The following ATE1 variants were observed in gnomAD, a reference collection of about 807,000 sequenced individuals.
ATE1 encodes arginyltransferase 1, also known as arginyl-tRNA--protein transferase 1.
A neutral mutation model predicts 70.5 loss-of-function variants in ATE1; 36 were observed. That is an observed-to-expected ratio of 0.51 (90% CI 0.39 to 0.67). The LOEUF is 0.67. ATE1 is among the 30% of genes least tolerant of loss of function. ATE1 has a pLI of 0.00. For missense variants in ATE1, 593 were observed against 629.5 expected (o/e 0.94, Z 0.62); for synonymous variants, 232 against 219.3 (o/e 1.06, Z -0.51).
At chr10:121,776,561 C>A (rs1424140035) in intron 11 of ATE1, among the ~76,000 whole-genome samples, 1 of 152,226 alleles carries the variant, frequency 6.6e-6, no homozygotes, top group Non-Finnish European at 1.5e-5. Context: ...TTCTCCCAGG[C>A]TAGTGTTTGT....
At chr10:121,798,843 G>C (rs571921034) in intron 10 of ATE1, among the ~76,000 whole-genome samples, 1 of 148,990 alleles carries the variant, frequency 6.7e-6, no homozygotes, top group South Asian at 2.2e-4. Context: ...AGTTTGTAGT[G>C]AGCCAAGATC....
At position 121,803,785 on chromosome 10, in the gene ATE1, C is replaced by G. The variant is rs374980201; in HGVS notation, c.1258-13496G>C. Among the ~76,000 whole-genome samples, 383 of 152,258 alleles carry G rather than the reference C, an allele frequency of 2.5e-3. 3 individuals carry two copies. Among genetic ancestry groups the G allele is most frequent in the African/African-American group, 8.6e-3 (358 of 41,562 alleles). On this transcript the variant is annotated intron_variant, in intron 10 of 11. Coordinates refer to ENST00000224652, the MANE Select transcript of ATE1 (RefSeq NM_001001976.3). ...GCCTGAAAGCCTTAATCATAAAGGT[C>G]TGTTTAATTACACCCCTGAGGGGAA...
At chr10:121,864,181 C>T (rs1198178352) in intron 8 of ATE1, among the ~76,000 whole-genome samples, 1 of 152,174 alleles carries the variant, frequency 6.6e-6, no homozygotes, top group South Asian at 2.1e-4. Flanking sequence ...ACCTTTTTGG[C>T]ACCAGGGACT....
Position 121,742,279 on chromosome 10 carries a change from T to G in ATE1, c.*1401A>C, listed in dbSNP as rs968968173. The G allele has an allele frequency of 6.6e-6, 1 of 152,212 alleles. No individual in the cohort carries two copies. The highest frequency in any genetic ancestry group is 2.4e-5 in the African/African-American group (1 of 41,454). 9.4% of individuals were successfully genotyped at this position (152,212 alleles called of 1,614,324 possible). A position where few individuals can be genotyped will look rare whatever the true frequency, so the allele number is the denominator to read the frequency against. ...TTTTTATTCTAGTTAGCTGAGGATA[T>G]TTTCAAATTTTTGTCAAAATTCAGT... On this transcript the variant is annotated 3_prime_UTR_variant, in exon 12 of 12. Coordinates refer to ENST00000224652, the MANE Select transcript of ATE1 (RefSeq NM_001001976.3).
chr10:121,795,955 C>A (rs1946643424), intron 10 of ATE1, among the ~76,000 whole-genome samples: 1 of 152,196 alleles, frequency 6.6e-6, no homozygotes, highest in Non-Finnish European at 1.5e-5. Flanking sequence ...TAAGTACATT[C>A]ATTCAGATTG....
intron 11 of ATE1, among the ~76,000 whole-genome samples, chr10:121,749,032 A>G (rs948209182): frequency 7.2e-5 from 11 of 152,204 alleles, no homozygotes; most frequent in African/African-American, 2.2e-4. Flanking sequence ...AATTTTGTCA[A>G]CTGTCCCAAA....
intron 7 of ATE1, among the ~76,000 whole-genome samples, chr10:121,871,412 T>C (rs1299943872): frequency 6.6e-6 from 1 of 152,116 alleles, no homozygotes; most frequent in Non-Finnish European, 1.5e-5. Context: ...TGAGCCAAGA[T>C]TGCGCCACTG....
At chr10:121,911,968 G>C (rs554561402) in intron 4 of ATE1, among the ~76,000 whole-genome samples, 10 of 152,056 alleles carry the variant, frequency 6.6e-5, no homozygotes, top group African/African-American at 1.9e-4. Flanking sequence ...GGATGGTCTC[G>C]ATCTCCTGAC....
At chr10:121,910,391 A>T (rs897699013) in intron 5 of ATE1, among the ~76,000 whole-genome samples, 1 of 152,204 alleles carries the variant, frequency 6.6e-6, no homozygotes, top group African/African-American at 2.4e-5. Flanking sequence ...ATTAAGCCTA[A>T]TTCTTTTATA....
intron 7 of ATE1, among the ~76,000 whole-genome samples, chr10:121,899,359 A>G (rs576468914): frequency 6.6e-6 from 1 of 152,336 alleles, no homozygotes. Flanking sequence ...TTACAAAATT[A>G]TTAGCATATG....
intron 8 of ATE1, among the ~76,000 whole-genome samples, chr10:121,841,977 C>A (rs1279260616): frequency 1.3e-5 from 2 of 152,004 alleles, no homozygotes; most frequent in African/African-American, 2.4e-5. Flanking sequence ...GAAAGAAATG[C>A]ATGAGAAAAA....
chr10:121,741,710 T>C lies in ATE1; in HGVS notation c.*1970A>G, dbSNP rs1004523429. The C allele has an allele frequency of 2.0e-5, 3 of 152,218 alleles. No individual in the cohort carries two copies. Among genetic ancestry groups the C allele is most frequent in the Non-Finnish European group, 4.4e-5 (3 of 68,032 alleles). 9.4% of individuals were successfully genotyped at this position (152,218 alleles called of 1,614,324 possible). On this transcript the variant is annotated 3_prime_UTR_variant, in exon 12 of 12. Coordinates refer to ENST00000224652, the MANE Select transcript of ATE1 (RefSeq NM_001001976.3). ...TTTTAATAATGCAGAGATTACTTAC[T>C]ACACTTTCTGAAGCCTTATTTTGAA...
intron 10 of ATE1, among the ~76,000 whole-genome samples, chr10:121,833,625 G>T (rs1193901920): frequency 6.6e-6 from 1 of 151,956 alleles, no homozygotes; most frequent in Admixed American, 6.6e-5. Context: ...AAGCTTGGGG[G>T]AGGGGCAAAG....
chr10:121,899,723 TA>T lies in ATE1; in HGVS notation c.942+142del, dbSNP rs549255756. 209 of 1,239,778 alleles carry T rather than the reference TA, an allele frequency of 1.7e-4. 3 individuals are homozygous for T. In the South Asian group the frequency reaches 4.1e-3, roughly 24 times the overall value. The allele number at this position is 1,239,778 out of a possible 1,614,324, so 76.8% of individuals were successfully genotyped here. A position where few individuals can be genotyped will look rare whatever the true frequency, so the allele number is the denominator to read the frequency against. On this transcript the variant is annotated intron_variant, in intron 7 of 11. Coordinates refer to ENST00000224652, the MANE Select transcript of ATE1 (RefSeq NM_001001976.3). ...AAATTTGCACTTTCAGAATGTCCATTAATTCAGTCTTAGGTCTTTGCAGATA... is the reference window on the plus strand; with the variant it reads ...AAATTTGCACTTTCAGAATGTCCATTATTCAGTCTTAGGTCTTTGCAGATA...
intron 10 of ATE1, among the ~76,000 whole-genome samples, chr10:121,803,344 A>G (rs1433529480): frequency 1.3e-5 from 2 of 152,228 alleles, no homozygotes; most frequent in Non-Finnish European, 1.5e-5. Flanking sequence ...TTGCATTTAA[A>G]TATGTTTTAA....
rs757825450 is a variant in ATE1 at position 121,743,743 on chromosome 10, A to T, written c.1494T>A (p.Val498=). 1.2e-6 allele frequency: 2 copies of T among 1,614,018 alleles called. No individual in the cohort carries two copies. The highest frequency in any genetic ancestry group is 2.7e-5 in the African/African-American group (2 of 74,920). ...GCCCCACCAGGCTGGCGTACTGCAG[A>T]ACAGCAGCCTCCTCACTTGGGTCTT... ...QQKDPSEEAA[V]LQYASLVGQK... is the part of the protein sequence containing the mutation. Residue 498 remains valine, a synonymous_variant, in exon 12 of 12, where the codon GTT becomes GTA. Transcript: ENST00000224652.
chr10:121,774,191 T>A (rs1159853903), intron 11 of ATE1, among the ~76,000 whole-genome samples: 1 of 152,208 alleles, frequency 6.6e-6, no homozygotes, highest in African/African-American at 2.4e-5. Context: ...GGATGTTTTT[T>A]AAAAAGAGAC....
At position 121,751,193 on chromosome 10, in the gene ATE1, G is replaced by A. The variant is rs186759682; in HGVS notation, c.1379-7335C>T. Among the ~76,000 whole-genome samples the A allele has an allele frequency of 4.5e-3, 682 of 152,290 alleles. 1 individual carries two copies. Among genetic ancestry groups the A allele is most frequent in the Non-Finnish European group, 7.4e-3 (500 of 68,024 alleles). ...AGTAATACTGTTGTAATTTCACTCG[G>A]AATATTTTTGGTCAAAATGAAAACT... is the stretch of plus-strand genomic sequence containing the variant. On this transcript the variant is annotated intron_variant, in intron 11 of 11. Coordinates refer to ENST00000224652, the MANE Select transcript of ATE1 (RefSeq NM_001001976.3).
chr10:121,766,477 T>C (rs147929149), intron 11 of ATE1, among the ~76,000 whole-genome samples: 444 of 152,198 alleles, frequency 2.9e-3, no homozygotes, highest in Non-Finnish European at 4.7e-3. Context: ...GTAATCCAAC[T>C]GAGGATTCTG....
Sources: gnomAD v4.1 joint callset for allele counts (sites outside exome capture counted in the v4.1 genomes callset) on GRCh38, gnomAD v4.1.1 for gene constraint, MANE v1.5 for transcripts, NCBI Gene and HGNC (gene_info 2026-07-23, HGNC 2026-07-21) for gene names.